Variants in TMEM132D observed in about 807,000 individuals in gnomAD.
The protein encoded by TMEM132D is transmembrane protein 132D.
Under a neutral mutation model 62.3 loss-of-function variants are expected in TMEM132D, and 21 were observed. The ratio of observed to expected loss-of-function variants is 0.34; its 90% confidence interval spans 0.24 to 0.49. The LOEUF (loss-of-function observed/expected upper bound fraction) is 0.49. Among genes scored for constraint, TMEM132D ranks in the 20% least tolerant of loss-of-function variants. The pLI is 0.99. For missense variants in TMEM132D, 1,346 were observed against 1,402.8 expected (o/e 0.96, Z 0.65); for synonymous variants, 621 against 575.6 (o/e 1.08, Z -1.13).
At chr12:129,124,037 T>A (rs1264457806) in intron 5 of TMEM132D, among the ~76,000 whole-genome samples, 2 of 152,170 alleles carry the variant, frequency 1.3e-5, no homozygotes, top group Non-Finnish European at 2.9e-5. Context: ...AATCTCCCCA[T>A]CTGTCTATCT....
intron 3 of TMEM132D, among the ~76,000 whole-genome samples, chr12:129,353,046 G>T (rs973257781): frequency 2.0e-5 from 3 of 152,124 alleles, no homozygotes; most frequent in Non-Finnish European, 4.4e-5. Context: ...TCTGGATTGG[G>T]ACCTCTTTCC....
chr12:129,703,367 C>T (rs1881427639), intron 1 of TMEM132D, among the ~76,000 whole-genome samples: 1 of 152,136 alleles, frequency 6.6e-6, no homozygotes, highest in African/African-American at 2.4e-5. Flanking sequence ...TAGCTTTATT[C>T]CACAAATGGT....
At chr12:129,699,697 G>T (rs958738779) in intron 2 of TMEM132D, 113 bp downstream of exon 2, 20 of 1,357,256 alleles carry the variant, frequency 1.5e-5, no homozygotes, top group Non-Finnish European at 1.8e-5. Flanking sequence ...GTAAGAACGG[G>T]AAGGCCGGCT....
intron 2 of TMEM132D, among the ~76,000 whole-genome samples, chr12:129,623,145 C>T (rs547385531): frequency 6.6e-6 from 1 of 152,130 alleles, no homozygotes. Context: ...AAGGAGCATG[C>T]TTTTTGCTTA....
chr12:129,115,094 CT>C (rs1278741090), intron 5 of TMEM132D, among the ~76,000 whole-genome samples: 4 of 152,314 alleles, frequency 2.6e-5, no homozygotes, highest in Admixed American at 2.6e-4. Context: ...TTCACTCAAG[CT>C]GCTTTATTTC....
chr12:129,604,694 A>C (rs56097612), intron 2 of TMEM132D, among the ~76,000 whole-genome samples: 8,949 of 152,242 alleles, frequency 0.059, 394 homozygotes, highest in South Asian at 0.11. Flanking sequence ...GGCATCATGG[A>C]AGAAACTCCT....
At position 129,631,172 on chromosome 12, in the gene TMEM132D, A is replaced by G. The variant is rs563977383; in HGVS notation, c.968+68638T>C. Among the ~76,000 whole-genome samples the G allele has an allele frequency of 5.9e-5, 9 of 152,296 alleles. No homozygotes were observed. The East Asian group carries it at 1.7e-3, about 29-fold the overall frequency. On this transcript the variant is annotated intron_variant, in intron 2 of 8. Coordinates refer to ENST00000422113, the MANE Select transcript of TMEM132D (RefSeq NM_133448.3). ...CAAGGCCACCTGAGGAGGAGGTACA[A>G]AAGCCAGGATTCAGCCTGGAGCTGT... is the stretch of plus-strand genomic sequence containing the variant.
At chr12:129,721,118 A>T (rs944457059) in intron 1 of TMEM132D, among the ~76,000 whole-genome samples, 1 of 152,222 alleles carries the variant, frequency 6.6e-6, no homozygotes, top group East Asian at 1.9e-4. Context: ...GGGGTTTTTG[A>T]GGGTGATAAG....
At chr12:129,417,439 A>C (rs1872160793) in intron 3 of TMEM132D, among the ~76,000 whole-genome samples, 1 of 152,242 alleles carries the variant, frequency 6.6e-6, no homozygotes, top group South Asian at 2.1e-4. Context: ...GACAAAAACA[A>C]GCAATGGGGG....
At chr12:129,465,641 A>T in intron 3 of TMEM132D, among the ~76,000 whole-genome samples, 1 of 152,238 alleles carries the variant, frequency 6.6e-6, no homozygotes, top group East Asian at 1.9e-4. Context: ...AAGCATTCTT[A>T]TACACCAATA....
At chr12:129,144,900 C>CTCTATCTATCTATCTA (rs35319395) in intron 5 of TMEM132D, among the ~76,000 whole-genome samples, 2,738 of 150,970 alleles carry the variant, frequency 0.018, 78 homozygotes, top group African/African-American at 0.064. Flanking sequence ...ATCTATCCTG[C>CTCTATCTATCTATCTA]TCTATCTATC....
intron 2 of TMEM132D, among the ~76,000 whole-genome samples, chr12:129,687,898 A>T (rs1252487598): frequency 6.6e-6 from 1 of 152,180 alleles, no homozygotes; most frequent in Non-Finnish European, 1.5e-5. Context: ...ACATGAAACC[A>T]CAGAAAACAG....
intron 3 of TMEM132D, among the ~76,000 whole-genome samples, chr12:129,447,530 G>A (rs371809372): frequency 5.9e-4 from 90 of 152,244 alleles, no homozygotes; most frequent in Admixed American, 1.4e-3. Context: ...GAAGAATAAC[G>A]TAAGCAAACA....
chr12:129,460,673 G>A (rs564357086), intron 3 of TMEM132D, among the ~76,000 whole-genome samples: 4 of 152,124 alleles, frequency 2.6e-5, no homozygotes, highest in African/African-American at 7.2e-5. Context: ...GTTTGCATTC[G>A]GGAGAGCCAA....
chr12:129,627,652 T>C (rs1248809986), intron 2 of TMEM132D, among the ~76,000 whole-genome samples: 1 of 152,072 alleles, frequency 6.6e-6, no homozygotes. Context: ...ACTTACTATG[T>C]TACCCACAAA....
At chr12:129,739,032 T>C (rs971715615) in intron 1 of TMEM132D, among the ~76,000 whole-genome samples, 4 of 152,180 alleles carry the variant, frequency 2.6e-5, no homozygotes, top group Non-Finnish European at 5.9e-5. Context: ...TCCATTCCTC[T>C]TAAGAAGACG....
chr12:129,236,872 C>T (rs1593306644), intron 4 of TMEM132D, among the ~76,000 whole-genome samples: 2 of 152,192 alleles, frequency 1.3e-5, no homozygotes, highest in South Asian at 2.1e-4. Flanking sequence ...TTTTCATATA[C>T]AGTCTGTATT....
intron 1 of TMEM132D, among the ~76,000 whole-genome samples, chr12:129,794,018 T>C (rs189760750): frequency 4.1e-4 from 63 of 152,250 alleles, no homozygotes; most frequent in African/African-American, 1.3e-3. Context: ...TTTTAACTTA[T>C]TCCATGGAGA....
chr12:129,105,579 A>G (rs1310301767), intron 5 of TMEM132D, among the ~76,000 whole-genome samples: 2 of 149,398 alleles, frequency 1.3e-5, no homozygotes, highest in African/African-American at 5.0e-5. Context: ...AGAAAAAAAC[A>G]AACAACCCCA....
Sources: gnomAD v4.1 joint callset for allele counts (sites outside exome capture counted in the v4.1 genomes callset) on GRCh38, gnomAD v4.1.1 for gene constraint, MANE v1.5 for transcripts, NCBI Gene and HGNC (gene_info 2026-07-23, HGNC 2026-07-21) for gene names.